MMP16: variants seen among roughly 807,000 people sequenced by gnomAD.
The protein encoded by MMP16 is matrix metallopeptidase 16.
A neutral mutation model predicts 67.8 loss-of-function variants in MMP16; 12 were observed. The observed-to-expected ratio is 0.18, with a 90% CI of 0.11 to 0.29. The LOEUF (loss-of-function observed/expected upper bound fraction) is 0.29, where lower values mean the gene tolerates loss of function less well. MMP16 is among the 10% of genes least tolerant of loss of function. MMP16 has a pLI of 1.00. For missense variants in MMP16, 475 were observed against 765.7 expected (o/e 0.62, Z 4.48); for synonymous variants, 249 against 255.9 (o/e 0.97, Z 0.26).
intron 6 of MMP16, among the ~76,000 whole-genome samples, chr8:88,084,981 G>A (rs1216348844): frequency 1.3e-5 from 2 of 151,878 alleles, no homozygotes; most frequent in Non-Finnish European, 2.9e-5. Flanking sequence ...AATATGTTTT[G>A]TGGCATGTAA....
intron 7 of MMP16, among the ~76,000 whole-genome samples, chr8:88,073,072 A>G (rs1808588189): frequency 6.6e-6 from 1 of 152,136 alleles, no homozygotes; most frequent in African/African-American, 2.4e-5. Flanking sequence ...TCCTGTGAGG[A>G]GACAGGGCCT....
chr8:88,094,096 T>C (rs1808985121), intron 6 of MMP16, among the ~76,000 whole-genome samples: 1 of 151,840 alleles, frequency 6.6e-6, no homozygotes, highest in Non-Finnish European at 1.5e-5. Flanking sequence ...ATTTTACATA[T>C]AACATAACTA....
chr8:88,151,513 C>T (rs1443204558), intron 4 of MMP16, among the ~76,000 whole-genome samples: 8 of 147,824 alleles, frequency 5.4e-5, no homozygotes, highest in African/African-American at 1.8e-4. Flanking sequence ...AACAAACTAT[C>T]TCTCAGACCA....
chr8:88,219,643 T>A (rs973747197), intron 1 of MMP16, among the ~76,000 whole-genome samples: 6 of 152,126 alleles, frequency 3.9e-5, no homozygotes, highest in Admixed American at 3.9e-4. Context: ...TTTTGTACAA[T>A]AACAATATGC....
At position 88,041,844 on chromosome 8, in the gene MMP16, T is replaced by C. The variant is rs551470820; in HGVS notation, c.1490-49A>G. The C allele has an allele frequency of 2.0e-5, 27 of 1,376,042 alleles. No individual in the cohort carries two copies. The highest frequency in any genetic ancestry group is 3.8e-5 in the Admixed American group (2 of 52,318). 85.2% of individuals were successfully genotyped at this position (1,376,042 alleles called of 1,614,324 possible). A position where few individuals can be genotyped will look rare whatever the true frequency, so the allele number is the denominator to read the frequency against. ...CACAGGTACCACTTATTTGTGACAG[T>C]GTATATGTAGAGAAATGTTACTAAA... On this transcript the variant is annotated intron_variant, in intron 9 of 9. Transcript: ENST00000286614. This position sits in a 1 kb window ranked among gnomAD's most constrained non-coding sequence, Gnocchi z 6.0.
Position 88,265,223 on chromosome 8 carries a change from C to CTTTTTTTTTTTTTTT in MMP16, c.132+61837_132+61851dup, listed in dbSNP as rs398008661. On this transcript the variant is annotated intron_variant, in intron 1 of 9. Transcript: ENST00000286614. The stretch of plus-strand genomic sequence containing the variant: ...AACTAAGGGTAGAAATGACCATTTC[C>CTTTTTTTTTTTTTTT]TTTTTTTTTTTTTTTTTTTTCAGAT... Among the ~76,000 whole-genome samples, 17 of 100,774 alleles carry CTTTTTTTTTTTTTTT rather than the reference C, an allele frequency of 1.7e-4. 2 individuals are homozygous for CTTTTTTTTTTTTTTT. The highest frequency in any genetic ancestry group is 3.6e-4 in the South Asian group (1 of 2,746). 66.1% of individuals were successfully genotyped at this position (100,774 alleles called of 152,430 possible). A position where few individuals can be genotyped will look rare whatever the true frequency, so the allele number is the denominator to read the frequency against.
intron 6 of MMP16, among the ~76,000 whole-genome samples, chr8:88,096,113 G>C (rs1281594333): frequency 6.6e-6 from 1 of 151,918 alleles, no homozygotes; most frequent in Non-Finnish European, 1.5e-5. Context: ...GAAGAACGTT[G>C]TTTATTGATT....
chr8:88,271,009 A>G (rs1249379982), intron 1 of MMP16, among the ~76,000 whole-genome samples: 1 of 152,210 alleles, frequency 6.6e-6, no homozygotes, highest in African/African-American at 2.4e-5. Flanking sequence ...GGCGTTTGCT[A>G]GATGAATGAA....
intron 1 of MMP16, among the ~76,000 whole-genome samples, chr8:88,259,282 G>A (rs543411175): frequency 1.3e-5 from 2 of 152,274 alleles, no homozygotes; most frequent in South Asian, 4.1e-4. Flanking sequence ...GCTAAAGTCA[G>A]GAAATTGGAT....
At chr8:88,257,774 T>C (rs1428213007) in intron 1 of MMP16, among the ~76,000 whole-genome samples, 3 of 152,168 alleles carry the variant, frequency 2.0e-5, no homozygotes, top group Non-Finnish European at 4.4e-5. Flanking sequence ...AACAGAGCAC[T>C]TACCTTATGG....
intron 1 of MMP16, among the ~76,000 whole-genome samples, chr8:88,209,876 G>A (rs1266160164): frequency 6.6e-6 from 1 of 152,122 alleles, no homozygotes; most frequent in African/African-American, 2.4e-5. Context: ...GAATGTTATG[G>A]ACTGAATGTT....
chr8:88,084,376 A>G (rs1808799149), intron 6 of MMP16, among the ~76,000 whole-genome samples: 2 of 151,956 alleles, frequency 1.3e-5, no homozygotes, highest in Non-Finnish European at 2.9e-5. Context: ...AGAGAGGAAT[A>G]ACTTAAGACA....
chr8:88,295,674 TAAACATGGTGGTTTCTGGA>T (rs1811000983), intron 1 of MMP16, among the ~76,000 whole-genome samples: 1 of 152,184 alleles, frequency 6.6e-6, no homozygotes, highest in African/African-American at 2.4e-5. Context: ...TCAAATCTAA[TAAACATGGTGGTTTCTGGA>T]AAGAATTCAG....
chr8:88,302,602 G>T (rs779856251), intron 1 of MMP16, among the ~76,000 whole-genome samples: 4 of 151,982 alleles, frequency 2.6e-5, no homozygotes, highest in Admixed American at 1.3e-4. Flanking sequence ...AGAAGGGGAT[G>T]AAAAAAAGTA....
intron 1 of MMP16, among the ~76,000 whole-genome samples, chr8:88,206,646 T>G (rs1272298889): frequency 1.3e-5 from 2 of 152,232 alleles, no homozygotes; most frequent in Admixed American, 6.5e-5. Context: ...TTTATTAATC[T>G]TAAATGTTAT....
At chr8:88,079,599 C>T (rs1338867009) in intron 6 of MMP16, among the ~76,000 whole-genome samples, 3 of 152,048 alleles carry the variant, frequency 2.0e-5, no homozygotes, top group South Asian at 2.1e-4. Flanking sequence ...AATGTTATTC[C>T]GTAAAGAGGG....
At chr8:88,156,455 G>C (rs1808510394) in intron 4 of MMP16, among the ~76,000 whole-genome samples, 1 of 152,112 alleles carries the variant, frequency 6.6e-6, no homozygotes, top group South Asian at 2.1e-4. Context: ...CAGACTTAGG[G>C]AGGAGGGCGG....
chr8:88,063,732 T>C (rs1378921395), intron 7 of MMP16, among the ~76,000 whole-genome samples: 1 of 152,078 alleles, frequency 6.6e-6, no homozygotes, highest in East Asian at 1.9e-4. Context: ...GGCCTCTTGA[T>C]TCAGTGCTTA....
rs187159299 is a variant in MMP16 at position 88,053,945 on chromosome 8, C to T, written c.1373+2183G>A. On this transcript the variant is annotated intron_variant, in intron 8 of 9. Transcript: ENST00000286614. ...TATATTTGGCATGTAGCTTTTCAAGCGGGGAGTAAATGATCTAAAAAACCC... is the reference window on the plus strand; with the variant it reads ...TATATTTGGCATGTAGCTTTTCAAGTGGGGAGTAAATGATCTAAAAAACCC... Among the ~76,000 whole-genome samples, 95 of 152,040 alleles carry T rather than the reference C, an allele frequency of 6.2e-4. 1 individual carries two copies. The highest frequency in any genetic ancestry group is 1.8e-3 in the African/African-American group (75 of 41,496).
Sources: gnomAD v4.1 joint callset for allele counts (sites outside exome capture counted in the v4.1 genomes callset) on GRCh38, gnomAD v4.1.1 for gene constraint, Gnocchi (gnomAD v3.1) non-coding constraint, MANE v1.5 for transcripts, NCBI Gene and HGNC (gene_info 2026-07-23, HGNC 2026-07-21) for gene names.